Variants in JARID2 observed in about 807,000 individuals in gnomAD.
JARID2 encodes the protein protein Jumonji.
A neutral mutation model predicts 125.6 loss-of-function variants in JARID2; 21 were observed. That is an observed-to-expected ratio of 0.17 (90% CI 0.12 to 0.24). The LOEUF (loss-of-function observed/expected upper bound fraction) is 0.24, where lower values mean the gene tolerates loss of function less well. Among genes scored for constraint, JARID2 ranks in the 10% least tolerant of loss-of-function variants. The pLI, the probability that JARID2 is intolerant of heterozygous loss-of-function variation, is 1.00. For missense variants in JARID2, 1,303 were observed against 1,639.6 expected (o/e 0.79, Z 3.55); for synonymous variants, 736 against 661.6 (o/e 1.11, Z -1.73).
chr6:15,294,170 A>T (rs1252738733), intron 1 of JARID2, among the ~76,000 whole-genome samples: 1 of 152,076 alleles, frequency 6.6e-6, no homozygotes, highest in Non-Finnish European at 1.5e-5. Context: ...GGTTAGGTGC[A>T]CCCCAGAGGG....
At chr6:15,466,834 T>G (rs1768764375) in intron 4 of JARID2, among the ~76,000 whole-genome samples, 1 of 152,200 alleles carries the variant, frequency 6.6e-6, no homozygotes, top group Non-Finnish European at 1.5e-5. Context: ...TCCTGACTGT[T>G]TATTTTACTC....
intron 1 of JARID2, among the ~76,000 whole-genome samples, chr6:15,294,001 T>A (rs1159893100): frequency 6.6e-6 from 1 of 152,214 alleles, no homozygotes; most frequent in Non-Finnish European, 1.5e-5. Context: ...GTGTTTGACA[T>A]TGCCATTTTC....
At position 15,335,360 on chromosome 6, in the gene JARID2, A is replaced by G. The variant is rs922877482; in HGVS notation, c.46-38757A>G. ...AGCGATCTGCCCACTTCGGCCACCCAAAGGGCTGGGATTGCTGGTGTGAGC... is the reference window on the plus strand; with the variant it reads ...AGCGATCTGCCCACTTCGGCCACCCGAAGGGCTGGGATTGCTGGTGTGAGC... On this transcript the variant is annotated intron_variant, in intron 1 of 17. Transcript: ENST00000341776. 4.6e-5 allele frequency among the ~76,000 whole-genome samples: 7 copies of G among 152,038 alleles called. No individual in the cohort carries two copies. In the East Asian group the frequency reaches 1.4e-3, roughly 29 times the overall value.
Position 15,381,135 on chromosome 6 carries a change from C to T in JARID2, c.181+6883C>T, listed in dbSNP as rs544028683. 2.0e-5 allele frequency among the ~76,000 whole-genome samples: 3 copies of T among 150,852 alleles called. No homozygotes were observed. The South Asian group carries it at 6.3e-4, about 32-fold the overall frequency. ...TTGGGGGGCCGAGGCGGGTGGATCA[C>T]GAGGTCAGGAGATTGAGACCATCCT... On this transcript the variant is annotated intron_variant, in intron 2 of 17. Transcript: ENST00000341776.
At chr6:15,329,733 TCTTC>T (rs1040734758) in intron 1 of JARID2, among the ~76,000 whole-genome samples, 2 of 152,238 alleles carry the variant, frequency 1.3e-5, no homozygotes, top group African/African-American at 4.8e-5. Context: ...TAAAATGTTT[TCTTC>T]CTTTGCCCAT....
chr6:15,472,130 G>A (rs1284299015), intron 5 of JARID2, among the ~76,000 whole-genome samples: 1 of 151,408 alleles, frequency 6.6e-6, no homozygotes, highest in Admixed American at 6.6e-5. Context: ...TGAGGGGCTG[G>A]TAGGATAGTG....
chr6:15,309,045 C>T (rs956688331), intron 1 of JARID2, among the ~76,000 whole-genome samples: 3 of 152,214 alleles, frequency 2.0e-5, no homozygotes, highest in Admixed American at 1.3e-4. Context: ...CTTCCTGTCT[C>T]AGCCTGAATA....
At chr6:15,317,155 T>C (rs903306843) in intron 1 of JARID2, among the ~76,000 whole-genome samples, 1 of 152,004 alleles carries the variant, frequency 6.6e-6, no homozygotes, top group African/African-American at 2.4e-5. Flanking sequence ...GCAGTAGAAT[T>C]TTTTTTCATC....
chr6:15,255,384 T>G (rs1021462422), intron 1 of JARID2, among the ~76,000 whole-genome samples: 5 of 152,180 alleles, frequency 3.3e-5, no homozygotes, highest in African/African-American at 1.2e-4. Context: ...ATTACAGGCG[T>G]GAGCCACTGC....
At chr6:15,298,390 T>G (rs1201764786) in intron 1 of JARID2, among the ~76,000 whole-genome samples, 2 of 152,088 alleles carry the variant, frequency 1.3e-5, no homozygotes, top group Non-Finnish European at 2.9e-5. Flanking sequence ...GAACTCAGAA[T>G]TCCATGGGTA....
chr6:15,386,217 A>C (rs1166468096), intron 2 of JARID2, among the ~76,000 whole-genome samples: 1 of 151,906 alleles, frequency 6.6e-6, no homozygotes, highest in Non-Finnish European at 1.5e-5. Context: ...CTGACTCCAG[A>C]TAGCTATCTC....
intron 1 of JARID2, among the ~76,000 whole-genome samples, chr6:15,271,807 C>T (rs796550508): frequency 4.6e-5 from 7 of 152,310 alleles, no homozygotes; most frequent in African/African-American, 1.4e-4. Flanking sequence ...AAAGACAATC[C>T]TGGCCAACAT....
At chr6:15,296,294 A>C (rs1381306163) in intron 1 of JARID2, among the ~76,000 whole-genome samples, 5 of 152,140 alleles carry the variant, frequency 3.3e-5, no homozygotes, top group African/African-American at 4.8e-5. Flanking sequence ...TTTTGGGAGT[A>C]TTTGAACGTT....
intron 1 of JARID2, among the ~76,000 whole-genome samples, chr6:15,257,214 A>G (rs1759699476): frequency 6.6e-6 from 1 of 152,202 alleles, no homozygotes; most frequent in Admixed American, 6.5e-5. Flanking sequence ...TCATGGAAAA[A>G]TAAAATCCAC....
chr6:15,301,501 G>A (rs1026394296), intron 1 of JARID2, among the ~76,000 whole-genome samples: 2 of 152,104 alleles, frequency 1.3e-5, no homozygotes, highest in African/African-American at 4.8e-5. Flanking sequence ...TGACTGTGGA[G>A]GTTAACTTAC....
In JARID2 at chr6:15,246,446, A is replaced by G. The variant is rs1331179430; in HGVS notation, c.-94A>G. 3.8e-6 allele frequency: 4 copies of G among 1,065,806 alleles called. No individual in the cohort carries two copies. The highest frequency in any genetic ancestry group is 4.3e-6 in the Non-Finnish European group (3 of 695,636). The allele number at this position is 1,065,806 out of a possible 1,614,324, so 66.0% of individuals were successfully genotyped here. On this transcript the variant is annotated 5_prime_UTR_variant, in exon 1 of 18. Transcript: ENST00000341776. ...ACAAGATCAACCACCACCAACAACA[A>G]TAAAAACCACCAGGATATTTTTTTG...
chr6:15,340,814 T>A (rs549741040), intron 1 of JARID2, among the ~76,000 whole-genome samples: 6 of 152,326 alleles, frequency 3.9e-5, no homozygotes, highest in Admixed American at 3.9e-4. Context: ...AAGATAGTTT[T>A]AGATAACACT....
chr6:15,510,246 G>GA (rs1020171843), intron 12 of JARID2, among the ~76,000 whole-genome samples: 8 of 152,114 alleles, frequency 5.3e-5, no homozygotes, highest in African/African-American at 1.9e-4. Flanking sequence ...CCACACTGAT[G>GA]TCCTCCTCTT....
At position 15,275,192 on chromosome 6, in the gene JARID2, C is replaced by A. The variant is rs906877325; in HGVS notation, c.45+28608C>A. Among the ~76,000 whole-genome samples the A allele has an allele frequency of 1.7e-4, 26 of 152,072 alleles. 1 individual carries two copies. The highest frequency in any genetic ancestry group is 5.6e-4 in the African/African-American group (23 of 41,382). ...GGGCTCAGGTTCAAGAGTGGAGAAA[C>A]CCTCTTGAACATGGAACAGTTGGCT... On this transcript the variant is annotated intron_variant, in intron 1 of 17. Coordinates refer to ENST00000341776, the MANE Select transcript of JARID2 (RefSeq NM_004973.4).
Sources: allele counts gnomAD v4.1 joint callset (sites outside exome capture counted in the v4.1 genomes callset), GRCh38; gene constraint gnomAD v4.1.1; transcripts MANE v1.5; gene names NCBI Gene and HGNC (gene_info 2026-07-23, HGNC 2026-07-21).